MCC: variants seen among roughly 807,000 people sequenced by gnomAD.
The protein encoded by MCC is MCC regulator of Wnt signaling pathway.
MCC carries 90 observed loss-of-function variants against 116.2 expected under a neutral mutation model. That is an observed-to-expected ratio of 0.77 (90% CI 0.65 to 0.92). MCC has a LOEUF of 0.92. Ranked by LOEUF, MCC falls within the 40% of genes least tolerant of loss-of-function variation. The pLI is 0.00. For synonymous variants in MCC, 578 were observed against 510.5 expected (o/e 1.13, Z -1.78); for missense variants, 1,516 against 1,312.2 (o/e 1.16, Z -2.40).
At chr5:113,160,039 A>G (rs1760396629) in intron 3 of MCC, among the ~76,000 whole-genome samples, 1 of 152,172 alleles carries the variant, frequency 6.6e-6, no homozygotes, top group Non-Finnish European at 1.5e-5. Context: ...GCTGAAATTC[A>G]GTTGCTCAAA....
rs1414997832 is a variant in MCC, at chr5:113,023,875, A to AG, written c.*3426dup. 6.6e-6 allele frequency: 1 copy of AG among 152,260 alleles called. No homozygotes were observed. The highest frequency in any genetic ancestry group is 2.4e-5 in the African/African-American group (1 of 41,474). The allele number at this position is 152,260 out of a possible 1,614,324, so 9.4% of individuals were successfully genotyped here. On this transcript the variant is annotated 3_prime_UTR_variant, in exon 19 of 19. Coordinates refer to ENST00000408903, the MANE Select transcript of MCC (RefSeq NM_001085377.2). ...GTGGGCCATAGGAAACACCTTCAGA[A>AG]GGGAACAAGCAACTATGGAGGTTCT...
intron 8 of MCC, among the ~76,000 whole-genome samples, chr5:113,090,141 C>A (rs901738465): frequency 2.7e-5 from 4 of 150,782 alleles, no homozygotes; most frequent in Admixed American, 6.6e-5. Context: ...GTGGAGCTGG[C>A]AGGAGTGGAG....
intron 3 of MCC, among the ~76,000 whole-genome samples, chr5:113,215,533 G>A (rs930007775): frequency 1.3e-5 from 2 of 152,134 alleles, no homozygotes; most frequent in Admixed American, 1.3e-4. Context: ...TCATGAATGG[G>A]ATTAAGGCTC....
chr5:113,191,402 G>A (rs1018298260), intron 3 of MCC, among the ~76,000 whole-genome samples: 2 of 152,144 alleles, frequency 1.3e-5, no homozygotes, highest in Admixed American at 6.5e-5. Context: ...CAGGAACATC[G>A]TTGGTCATTG....
At chr5:113,129,679 T>C (rs1344524317) in intron 5 of MCC, among the ~76,000 whole-genome samples, 1 of 152,168 alleles carries the variant, frequency 6.6e-6, no homozygotes, top group Non-Finnish European at 1.5e-5. Context: ...GCAAAGGATA[T>C]GAACAGACAC....
intron 17 of MCC, among the ~76,000 whole-genome samples, chr5:113,031,558 T>G (rs1359803498): frequency 2.6e-5 from 4 of 152,094 alleles, no homozygotes; most frequent in Non-Finnish European, 5.9e-5. Flanking sequence ...TATCTTTCAT[T>G]CTAATGTTGA....
intron 3 of MCC, among the ~76,000 whole-genome samples, chr5:113,254,746 T>C (rs1764943535): frequency 6.6e-6 from 1 of 152,206 alleles, no homozygotes. Flanking sequence ...GGAGTGGTAT[T>C]GGAGCCTCTG....
intron 16 of MCC, among the ~76,000 whole-genome samples, chr5:113,045,334 G>A (rs568808707): frequency 5.0e-4 from 74 of 147,276 alleles, no homozygotes; most frequent in Non-Finnish European, 8.4e-4. Context: ...CACCCACCCA[G>A]TGGAGCAAGA....
chr5:113,269,252 T>C (rs1765525643), intron 3 of MCC: 1 of 982,964 alleles, frequency 1.0e-6, no homozygotes, highest in South Asian at 4.7e-5. Context: ...ACTGGGCCTT[T>C]TGACTTCAAC....
At chr5:113,442,937 C>T (rs1771085462) in intron 1 of MCC, among the ~76,000 whole-genome samples, 1 of 152,198 alleles carries the variant, frequency 6.6e-6, no homozygotes, top group South Asian at 2.1e-4. Flanking sequence ...TAGCGTGATG[C>T]CTCCAGCTTT....
chr5:113,057,930 C>A (rs1752949523), intron 14 of MCC, among the ~76,000 whole-genome samples: 2 of 152,230 alleles, frequency 1.3e-5, no homozygotes, highest in Non-Finnish European at 2.9e-5. Flanking sequence ...CAGCGTGGCG[C>A]TGGCAGACAG....
intron 11 of MCC, among the ~76,000 whole-genome samples, chr5:113,071,960 T>A (rs935720932): frequency 6.6e-6 from 1 of 152,196 alleles, no homozygotes; most frequent in Non-Finnish European, 1.5e-5. Flanking sequence ...AGGATAAGCA[T>A]TGGGAACTTG....
chr5:113,069,521 CA>C (rs576505391), intron 12 of MCC, among the ~76,000 whole-genome samples: 145 of 152,388 alleles, frequency 9.5e-4, no homozygotes, highest in Admixed American at 5.9e-3. Flanking sequence ...TCAAGCTGAA[CA>C]GGGGATATGT....
In MCC at chr5:113,053,819, A is replaced by C. The variant is rs1752640193; in HGVS notation, c.2354T>G (p.Ile785Ser). 6.2e-7 allele frequency: 1 copy of C among 1,614,132 alleles called. No homozygotes were observed. ...LTMLELESIH[I>S]DPLSYDVKPR... ...CTTGACGTCATAGCTGAGAGGATCG[A>C]TGTGGATGCTTTCCAGCTCCAGCAT... Residue 785 changes from isoleucine to serine, a missense_variant, in exon 15 of 19, where the codon ATC (isoleucine) becomes AGC (serine). Physicochemically the swap from Ile to Ser is moderately radical, Grantham distance 142 (BLOSUM62 -2). Coordinates refer to ENST00000408903, the MANE Select transcript of MCC (RefSeq NM_001085377.2).
chr5:113,113,252 C>T (rs1334497553), intron 6 of MCC, among the ~76,000 whole-genome samples: 2 of 152,222 alleles, frequency 1.3e-5, no homozygotes, highest in African/African-American at 4.8e-5. Flanking sequence ...TAGTTCAGAT[C>T]TCGTTGTAGC....
chr5:113,420,030 TAAAATA>T (rs1474053655), intron 1 of MCC, among the ~76,000 whole-genome samples: 6 of 147,874 alleles, frequency 4.1e-5, no homozygotes, highest in South Asian at 4.3e-4. Flanking sequence ...AATAATAAAA[TAAAATA>T]AAAATAAAAA....
intron 1 of MCC, among the ~76,000 whole-genome samples, chr5:113,405,739 C>T (rs756111020): frequency 2.3e-4 from 35 of 151,492 alleles, no homozygotes; most frequent in Non-Finnish European, 3.7e-4. Context: ...CTCAGGAATG[C>T]GAGCCTGCAG....
chr5:113,029,952 A>G (rs901684126), intron 17 of MCC, among the ~76,000 whole-genome samples: 2 of 152,156 alleles, frequency 1.3e-5, no homozygotes, highest in Non-Finnish European at 2.9e-5. Context: ...TGATTCCCCA[A>G]TGCACCCCCA....
At chr5:113,104,991 G>A (rs936544956) in intron 6 of MCC, among the ~76,000 whole-genome samples, 1 of 152,174 alleles carries the variant, frequency 6.6e-6, no homozygotes, top group Non-Finnish European at 1.5e-5. Flanking sequence ...AAAAACTTGG[G>A]TTGCTTTGAA....
Sources: gnomAD v4.1 joint callset for allele counts (sites outside exome capture counted in the v4.1 genomes callset) on GRCh38, gnomAD v4.1.1 for gene constraint, MANE v1.5 for transcripts, NCBI Gene and HGNC (gene_info 2026-07-23, HGNC 2026-07-21) for gene names.